DST: variants seen among roughly 807,000 people sequenced by gnomAD.
The protein encoded by DST is dystonin, also known as bullous pemphigoid antigen.
Under a neutral mutation model 875.2 loss-of-function variants are expected in DST, and 253 were observed. That is an observed-to-expected ratio of 0.29 (90% CI 0.26 to 0.32). DST has a LOEUF of 0.32. Ranked by LOEUF, DST falls within the 10% of genes least tolerant of loss-of-function variation. The probability of loss-of-function intolerance (pLI) is 1.00; values close to 1 mark genes in which losing one functional copy is unlikely to be tolerated. For missense variants in DST, 8,287 were observed against 9,111.6 expected (o/e 0.91, Z 3.68); for synonymous variants, 3,124 against 3,197.1 (o/e 0.98, Z 0.77).
chr6:56,551,821 A>G (rs1390479319), intron 61 of DST, among the ~76,000 whole-genome samples: 1 of 152,248 alleles, frequency 6.6e-6, no homozygotes, highest in Non-Finnish European at 1.5e-5. Flanking sequence ...ACCATTGAAG[A>G]AATTGCTGGA....
intron 9 of DST, among the ~76,000 whole-genome samples, chr6:56,675,983 G>T (rs1359516104): frequency 1.3e-5 from 2 of 152,164 alleles, no homozygotes; most frequent in Admixed American, 6.5e-5. Flanking sequence ...AAGCAGCGAA[G>T]AAATGCAAAT....
At chr6:56,692,921 T>C (rs1384561437) in intron 9 of DST, 3 of 1,289,680 alleles carry the variant, frequency 2.3e-6, no homozygotes, top group Non-Finnish European at 2.0e-6. Context: ...ACCAGTCCCC[T>C]GGATAAAGGA....
chr6:56,469,089 C>CT, intron 97 of DST, 90 bp from the exon 98 acceptor site: 1 of 1,000,368 alleles, frequency 1.0e-6, no homozygotes, highest in South Asian at 1.8e-5. Context: ...TACTCACACT[C>CT]TGTGCTTCTG....
intron 13 of DST, among the ~76,000 whole-genome samples, chr6:56,646,684 A>G (rs1186784493): frequency 6.6e-6 from 1 of 152,196 alleles, no homozygotes; most frequent in Admixed American, 6.5e-5. Flanking sequence ...GGCAAATTTA[A>G]ACAGATTTTT....
intron 2 of DST, among the ~76,000 whole-genome samples, chr6:56,933,375 G>A (rs949672345): frequency 3.3e-5 from 5 of 152,184 alleles, no homozygotes; most frequent in Non-Finnish European, 5.9e-5. Flanking sequence ...TTAAGAACTC[G>A]ACTTGCAAGC....
At chr6:56,499,924 A>T (rs1204839188) in intron 80 of DST, among the ~76,000 whole-genome samples, 1 of 152,184 alleles carries the variant, frequency 6.6e-6, no homozygotes, top group Non-Finnish European at 1.5e-5. Flanking sequence ...TATAATGTAG[A>T]CATTAAATAA....
At chr6:56,462,013 A>C (rs2094354507) in intron 102 of DST, 1 of 152,344 alleles carries the variant, frequency 6.6e-6, no homozygotes, top group South Asian at 2.1e-4. Flanking sequence ...CCTGTCACTT[A>C]TTATTAATGT....
Position 56,526,473 on chromosome 6 carries a change from C to G in DST, c.18017G>C (p.Arg6006Thr). Residue 6006 changes from arginine to threonine, a missense_variant, in exon 69 of 104, where the codon AGA becomes ACA. Physicochemically the swap from Arg to Thr is moderately conservative, Grantham distance 71. Transcript: ENST00000680361. ...AGCTACCATTTTCTCAAGTCCTTCT[C>G]TTGCCCTCCATGGTACCAGTTCCAG... ...ALLELVPWRA[R>T]EGLEKMVAED... The G allele has an allele frequency of 6.2e-7, 1 of 1,613,870 alleles. No individual in the cohort carries two copies. The highest frequency in any genetic ancestry group is 1.1e-5 in the South Asian group (1 of 91,082).
intron 9 of DST, among the ~76,000 whole-genome samples, chr6:56,686,252 G>A (rs1335346406): frequency 1.3e-5 from 2 of 152,150 alleles, no homozygotes; most frequent in Non-Finnish European, 2.9e-5. Context: ...TAAACATTGA[G>A]TACACACAGA....
chr6:56,890,842 G>T (rs929856066), intron 3 of DST, among the ~76,000 whole-genome samples: 1 of 152,138 alleles, frequency 6.6e-6, no homozygotes, highest in Non-Finnish European at 1.5e-5. Flanking sequence ...TTCTTATTTA[G>T]ATTGCCACTA....
chr6:56,809,477 T>C (rs926170763), intron 4 of DST, among the ~76,000 whole-genome samples: 36 of 152,318 alleles, frequency 2.4e-4, no homozygotes, highest in African/African-American at 8.4e-4. Flanking sequence ...ATAATGAATA[T>C]TGCCATCTTA....
intron 102 of DST, 116 bp from the exon 103 acceptor site, chr6:56,460,370 GA>G: frequency 9.6e-7 from 1 of 1,045,606 alleles, no homozygotes; most frequent in African/African-American, 1.6e-5. Context: ...TTTAGGAGGT[GA>G]AGGGGGAGAA....
intron 10 of DST, among the ~76,000 whole-genome samples, chr6:56,668,827 T>C (rs1337412348): frequency 6.6e-6 from 1 of 151,546 alleles, no homozygotes; most frequent in Non-Finnish European, 1.5e-5. Context: ...TGTGTGTATG[T>C]GGAGGATTCA....
rs767231530 is a variant in DST, at chr6:56,515,685, T to C, written c.18358-17A>G. On this transcript the variant is annotated splice_polypyrimidine_tract_variant and intron_variant, in intron 71 of 103. Transcript: ENST00000680361. ...CAGTTTTTTCTAGAAAATAAAAGGA[T>C]GAAATGTTTAACTGGTCAGGCCAAC... 2 of 1,563,034 alleles carry C rather than the reference T, an allele frequency of 1.3e-6. No homozygotes were observed. Among genetic ancestry groups the C allele is most frequent in the East Asian group, 2.4e-5 (1 of 42,238 alleles).
chr6:56,717,138 G>A (rs534841813), intron 5 of DST, among the ~76,000 whole-genome samples: 15 of 152,082 alleles, frequency 9.9e-5, no homozygotes, highest in South Asian at 6.2e-4. Flanking sequence ...AGCCGAGATC[G>A]TGCCACTGCA....
chr6:56,558,871 C>A lies in DST; in HGVS notation c.14441-1353G>T, dbSNP rs984542695. On this transcript the variant is annotated intron_variant, in intron 58 of 103. Coordinates refer to ENST00000680361, the MANE Select transcript of DST (RefSeq NM_001374736.1). The stretch of plus-strand genomic sequence containing the variant: ...GATGCTATACCTCCTCTCTATATAT[C>A]CCAACCCTATCCTTCCTTTACATTC... 4.6e-5 allele frequency among the ~76,000 whole-genome samples: 7 copies of A among 152,216 alleles called. No homozygotes were observed. The South Asian group carries it at 1.0e-3, about 23-fold the overall frequency.
rs539118845 is a variant in DST at position 56,612,705 on chromosome 6, T to G, written c.5059-1109A>C. Among the ~76,000 whole-genome samples, 24 of 152,326 alleles carry G rather than the reference T, an allele frequency of 1.6e-4. 1 individual carries two copies. In the South Asian group the frequency reaches 4.1e-3, roughly 26 times the overall value. On this transcript the variant is annotated intron_variant, in intron 37 of 103. Transcript: ENST00000680361. Reference sequence around the variant, plus strand: ...AGGCTGCATTGATTTTTGAAGGACATACTTATATTAACTAAAATTTCCTTT... The same window carrying G: ...AGGCTGCATTGATTTTTGAAGGACAGACTTATATTAACTAAAATTTCCTTT...
chr6:56,793,429 G>A (rs2099734723), intron 4 of DST, among the ~76,000 whole-genome samples: 1 of 152,238 alleles, frequency 6.6e-6, no homozygotes, highest in South Asian at 2.1e-4. Context: ...TAAGGTGACA[G>A]GTATACATAG....
chr6:56,491,387 C>T (rs1477516258), intron 85 of DST, among the ~76,000 whole-genome samples: 1 of 152,128 alleles, frequency 6.6e-6, no homozygotes, highest in African/African-American at 2.4e-5. Context: ...AATCCTCCTA[C>T]AATATTACAC....
Sources: gnomAD v4.1 joint callset for allele counts (sites outside exome capture counted in the v4.1 genomes callset) on GRCh38, gnomAD v4.1.1 for gene constraint, MANE v1.5 for transcripts, NCBI Gene and HGNC (gene_info 2026-07-23, HGNC 2026-07-21) for gene names.